Variants in PLCB2 observed in about 807,000 individuals in gnomAD.
PLCB2 encodes the protein phospholipase C beta 2.
Under a neutral mutation model 141.7 loss-of-function variants are expected in PLCB2, and 115 were observed. That is an observed-to-expected ratio of 0.81 (90% confidence interval 0.70 to 0.95). The LOEUF is 0.95. Among genes scored for constraint, PLCB2 ranks in the 40% least tolerant of loss-of-function variants. PLCB2 has a pLI of 0.00. For synonymous variants in PLCB2, 603 were observed against 595.6 expected, an observed-to-expected ratio of 1.01 and a Z score of -0.18; for missense variants, 1,403 against 1,541.1, an observed-to-expected ratio of 0.91 and a Z score of 1.50.
chr15:40,298,048 T>A (rs1278982752), intron 11 of PLCB2, 89 bp from the exon 12 acceptor site: 1 of 1,194,008 alleles, frequency 8.4e-7, no homozygotes, highest in African/African-American at 1.5e-5. Context: ...CTAGTTTCAA[T>A]ACACACATAT....
intron 1 of PLCB2, among the ~76,000 whole-genome samples, chr15:40,307,236 G>A (rs996162323): frequency 6.6e-6 from 1 of 152,128 alleles, no homozygotes; most frequent in African/African-American, 2.4e-5. Flanking sequence ...TGGGAGCGGG[G>A]ACGAGCTCAC....
chr15:40,289,927 AAGAGAGAGAGAGAGAGAGAGAGAGAG>A lies in PLCB2; in HGVS notation c.3267+72_3267+97del, dbSNP rs58167971. 4.3e-4 allele frequency: 232 copies of A among 544,274 alleles called. 1 individual carries two copies. The highest frequency in any genetic ancestry group is 6.3e-4 in the Middle Eastern group (2 of 3,198). The allele number at this position is 544,274 out of a possible 1,614,324, so 33.7% of individuals were successfully genotyped here. A position where few individuals can be genotyped will look rare whatever the true frequency, so the allele number is the denominator to read the frequency against. On this transcript the variant is annotated intron_variant, in intron 30 of 31. Transcript: ENST00000260402. Reference sequence around the variant, plus strand: ...CTGGGGCCACCCCTTCCTACTTGTGAAGAGAGAGAGAGAGAGAGAGAGAGAGAGAGAGAGAGAGAGAGTGTGTGTGT... The same window carrying A: ...CTGGGGCCACCCCTTCCTACTTGTGAAGAGAGAGAGAGAGAGTGTGTGTGT...
At position 40,298,211 on chromosome 15, in the gene PLCB2, C is replaced by T. The variant is rs1380605340; in HGVS notation, c.1155+12G>A. ...CTGCCACGGCCACCAGCCTCTGTGC[C>T]CAGGGTCTCACTTTGAAGAAGATGT... On this transcript the variant is annotated intron_variant, in intron 11 of 31. Transcript: ENST00000260402. The T allele has an allele frequency of 1.9e-6, 3 of 1,543,820 alleles. No homozygotes were observed. The South Asian group carries it at 3.8e-5, about 19-fold the overall frequency.
downstream of PLCB2, chr15:40,285,620 T>C (rs2039599947): frequency 3.0e-6 from 3 of 985,442 alleles, no homozygotes; most frequent in Non-Finnish European, 3.6e-6. Flanking sequence ...CCCCAGTAAC[T>C]GGGCAGGAAT....
At position 40,292,165 on chromosome 15, in the gene PLCB2, G is replaced by A. The variant is rs1305526814; in HGVS notation, c.2432-7C>T. 1 of 1,611,702 alleles carries A rather than the reference G, an allele frequency of 6.2e-7. No homozygotes were observed. On this transcript the variant is annotated splice_region_variant and splice_polypyrimidine_tract_variant and intron_variant, in intron 22 of 31. Transcript: ENST00000260402. ...GCGAGGGCCACAGTGAGATCTGGGT[G>A]GGTGCACAGGACATTACAACATAGT...
chr15:40,296,991 G>A (rs933173367), intron 13 of PLCB2, 83 bp from the exon 14 acceptor site: 26 of 1,400,400 alleles, frequency 1.9e-5, no homozygotes, highest in South Asian at 2.4e-5. Flanking sequence ...ATGCTCCCTC[G>A]GCCTCCCCCA....
rs114975130 is a variant in PLCB2, at chr15:40,299,009, G to A, written c.684-45C>T. 62 of 1,592,584 alleles carry A rather than the reference G, an allele frequency of 3.9e-5. No individual in the cohort carries two copies. In the African/African-American group the frequency reaches 7.8e-4, roughly 20 times the overall value. Reference sequence around the variant, plus strand: ...GCACAGGTCCATATCCCTTGGGCCTGGAGGCTTAGACAACCCCCTTGTCCA... The same window carrying A: ...GCACAGGTCCATATCCCTTGGGCCTAGAGGCTTAGACAACCCCCTTGTCCA... On this transcript the variant is annotated intron_variant, in intron 8 of 31. Transcript: ENST00000260402.
intron 7 of PLCB2, 79 bp downstream of exon 7, chr15:40,301,878 C>G (rs114269097): frequency 3.9e-6 from 5 of 1,271,900 alleles, no homozygotes; most frequent in Admixed American, 3.6e-5. Flanking sequence ...TCTGCTCCCC[C>G]ACCCACCATT....
intron 1 of PLCB2, among the ~76,000 whole-genome samples, chr15:40,305,674 T>A (rs2040760276): frequency 6.6e-6 from 1 of 152,186 alleles, no homozygotes; most frequent in Non-Finnish European, 1.5e-5. Context: ...AGGTTCCCAT[T>A]CGAAGGGGTG....
chr15:40,294,467 G>A (rs762911804), intron 18 of PLCB2, 47 bp from the exon 19 acceptor site: 71 of 1,600,226 alleles, frequency 4.4e-5, no homozygotes, highest in Non-Finnish European at 5.6e-5. Context: ...CCCTGGGGCT[G>A]TGCCCAGTCT....
At position 40,299,113 on chromosome 15, in the gene PLCB2, A is replaced by T; in HGVS notation, c.683+15T>A. On this transcript the variant is annotated intron_variant, in intron 8 of 31. Transcript: ENST00000260402. ...CCACCCTTTTCCCATGACCAGCACA[A>T]CCCAAGAAACTCACTAAGAAGTGAA... is the stretch of plus-strand genomic sequence containing the variant. The T allele has an allele frequency of 6.2e-7, 1 of 1,600,660 alleles. No individual in the cohort carries two copies. The highest frequency in any genetic ancestry group is 1.1e-5 in the South Asian group (1 of 90,832).
At chr15:40,291,708 G>A (rs949805074) in intron 24 of PLCB2, 58 bp from the exon 25 acceptor site, 87 of 1,605,944 alleles carry the variant, frequency 5.4e-5, no homozygotes, top group Non-Finnish European at 6.6e-5. Context: ...GGCTCCGTTC[G>A]CCTCCTCCAC....
chr15:40,296,237 A>G, intron 16 of PLCB2, 59 bp downstream of exon 16: 3 of 1,335,014 alleles, frequency 2.2e-6, no homozygotes, highest in Non-Finnish European at 2.1e-6. Context: ...CCCCAAGTCC[A>G]AGGAAGGGGG....
At chr15:40,300,037 G>A (rs904824145) in intron 7 of PLCB2, among the ~76,000 whole-genome samples, 14 of 152,204 alleles carry the variant, frequency 9.2e-5, no homozygotes, top group Admixed American at 2.0e-4. Context: ...AAGTGTCAGC[G>A]GGATGTGACT....
chr15:40,297,825 C>A lies in PLCB2; in HGVS notation c.1238+52G>T. The A allele has an allele frequency of 7.1e-7, 1 of 1,417,202 alleles. No individual in the cohort carries two copies. Among genetic ancestry groups the A allele is most frequent in the East Asian group, 2.3e-5 (1 of 43,762 alleles). 87.8% of individuals were successfully genotyped at this position (1,417,202 alleles called of 1,614,324 possible). ...CAGTTGTGGGGAGGACAGTTGCAGA[C>A]AGGAGACTGGGGGCTGGGTGAGAAT... is the stretch of plus-strand genomic sequence containing the variant. On this transcript the variant is annotated intron_variant, in intron 12 of 31. Transcript: ENST00000260402. This position sits in a 1 kb window ranked among gnomAD's most constrained non-coding sequence, Gnocchi z 4.2.
Position 40,293,621 on chromosome 15 carries a change from A to G in PLCB2, c.2165T>C (p.Leu722Pro). 1.9e-6 allele frequency: 3 copies of G among 1,614,152 alleles called. No homozygotes were observed. The highest frequency in any genetic ancestry group is 1.1e-5 in the South Asian group (1 of 91,086). Residue 722 changes from leucine (L) to proline (P), a missense_variant, in exon 20 of 32, where the codon CTG becomes CCG. This residue lies in a region of PLCB2 where 975 missense variants were observed against 1,141.1 expected (regional missense o/e 0.85). Coordinates refer to ENST00000260402, the MANE Select transcript of PLCB2 (RefSeq NM_004573.3). ...GDPKRRYRTKLSPSTNSINPV... is the reference protein window; with the variant it reads ...GDPKRRYRTKPSPSTNSINPV... ...ATTGATGGAGTTAGTACTGGGTGAC[A>G]GCTTAGTTCGATAGCGCCTCTTGGG...
At chr15:40,298,436 C>G in intron 10 of PLCB2, 56 bp from the exon 11 acceptor site, 3 of 1,573,280 alleles carry the variant, frequency 1.9e-6, no homozygotes, top group Non-Finnish European at 2.6e-6. Flanking sequence ...GCCCAGCTCT[C>G]CCCCTACCGC....
Position 40,298,222 on chromosome 15 carries a change from C to G in PLCB2, c.1155+1G>C. ...ACCAGCCTCTGTGCCCAGGGTCTCACTTTGAAGAAGATGTCTGTGGTCATG... is the reference window on the plus strand; with the variant it reads ...ACCAGCCTCTGTGCCCAGGGTCTCAGTTTGAAGAAGATGTCTGTGGTCATG... On this transcript the variant is annotated splice_donor_variant, in intron 11 of 31. Coordinates refer to ENST00000260402, the MANE Select transcript of PLCB2 (RefSeq NM_004573.3). LOFTEE classifies it high-confidence loss of function. 4 of 1,549,630 alleles carry G rather than the reference C, an allele frequency of 2.6e-6. No individual in the cohort carries two copies. Among genetic ancestry groups the G allele is most frequent in the Non-Finnish European group, 3.5e-6 (4 of 1,145,552 alleles).
intron 2 of PLCB2, chr15:40,303,743 G>A: frequency 1.9e-6 from 1 of 516,094 alleles, no homozygotes; most frequent in Non-Finnish European, 3.5e-6. Flanking sequence ...TCAGCCTTCA[G>A]CAGCAGTGCT....
Sources: gnomAD v4.1 joint callset for allele counts (sites outside exome capture counted in the v4.1 genomes callset) on GRCh38, gnomAD v4.1.1 for gene constraint, gnomAD v4.1.1 regional missense constraint, Gnocchi (gnomAD v3.1) non-coding constraint, MANE v1.5 for transcripts, NCBI Gene and HGNC (gene_info 2026-07-23, HGNC 2026-07-21) for gene names.